Variants in RNF144A observed in about 807,000 individuals in gnomAD.
The protein encoded by RNF144A is ring finger protein 144A, also known as E3 ubiquitin-protein ligase RNF144A.
A neutral mutation model predicts 38.7 loss-of-function variants in RNF144A; 11 were observed. The observed-to-expected ratio is 0.28, with a 90% CI of 0.18 to 0.47. The LOEUF is 0.47. RNF144A is among the 20% of genes least tolerant of loss of function. The probability of loss-of-function intolerance (pLI) is 0.99; values close to 1 mark genes in which losing one functional copy is unlikely to be tolerated. For synonymous variants in RNF144A, 149 were observed against 143.9 expected (o/e 1.04, Z -0.25); for missense variants, 316 against 377.2 (o/e 0.84, Z 1.34).
At position 7,042,744 on chromosome 2, in the gene RNF144A, G is replaced by C; in HGVS notation, c.*2984G>C. 1 of 985,520 alleles carries C rather than the reference G, an allele frequency of 1.0e-6. No homozygotes were observed. Among genetic ancestry groups the C allele is most frequent in the Non-Finnish European group, 1.2e-6 (1 of 829,972 alleles). The allele number at this position is 985,520 out of a possible 1,614,324, so 61.0% of individuals were successfully genotyped here. A position where few individuals can be genotyped will look rare whatever the true frequency, so the allele number is the denominator to read the frequency against. ...CATAGATGTCCACGTAGCAGAGACT[G>C]ACTTAGGATCTGAGATAAAGCATCG... On this transcript the variant is annotated 3_prime_UTR_variant, in exon 9 of 9. Coordinates refer to ENST00000320892, the MANE Select transcript of RNF144A (RefSeq NM_014746.6).
At chr2:7,021,055 A>G (rs1433467624) in intron 6 of RNF144A, among the ~76,000 whole-genome samples, 8 of 152,264 alleles carry the variant, frequency 5.3e-5, no homozygotes, top group African/African-American at 1.9e-4. Context: ...GGGGTACAGA[A>G]ACAAGAACAG....
At chr2:6,993,752 C>T (rs771271) in intron 2 of RNF144A, among the ~76,000 whole-genome samples, 10,638 of 152,090 alleles carry the variant, frequency 0.07, 821 homozygotes, top group African/African-American at 0.19. Flanking sequence ...ATTGAACTTC[C>T]GAAATGACTA....
chr2:6,986,314 C>T (rs1375831445), intron 2 of RNF144A, among the ~76,000 whole-genome samples: 3 of 152,006 alleles, frequency 2.0e-5, no homozygotes, highest in Non-Finnish European at 4.4e-5. Flanking sequence ...TACTCTGTTA[C>T]CTCCATTATG....
rs192400055 is a variant in RNF144A at position 7,004,789 on chromosome 2, G to A, written c.135+7728G>A. 1.4e-3 allele frequency among the ~76,000 whole-genome samples: 219 copies of A among 152,278 alleles called. 1 individual carries two copies. The highest frequency in any genetic ancestry group is 2.2e-3 in the Non-Finnish European group (151 of 68,024). On this transcript the variant is annotated intron_variant, in intron 3 of 8. Transcript: ENST00000320892. Reference sequence around the variant, plus strand: ...ACATCTGGAGCTTAAACTTACAATAGCATTTCACATACTGTGTGGCGGTTG... The same window carrying A: ...ACATCTGGAGCTTAAACTTACAATAACATTTCACATACTGTGTGGCGGTTG...
At chr2:6,989,521 C>T (rs1201144775) in intron 2 of RNF144A, among the ~76,000 whole-genome samples, 2 of 152,188 alleles carry the variant, frequency 1.3e-5, no homozygotes, top group Non-Finnish European at 2.9e-5. Flanking sequence ...ACCTTTCCCC[C>T]ACCCGCTTTT....
At chr2:7,014,629 G>C in intron 4 of RNF144A, 71 bp downstream of exon 4, 3 of 1,522,818 alleles carry the variant, frequency 2.0e-6, no homozygotes, top group Non-Finnish European at 2.7e-6. Flanking sequence ...TCAGAATAAC[G>C]TGGGTTTTGT....
At chr2:6,985,893 C>T (rs1431553674) in intron 2 of RNF144A, among the ~76,000 whole-genome samples, 1 of 152,164 alleles carries the variant, frequency 6.6e-6, no homozygotes, top group Non-Finnish European at 1.5e-5. Context: ...CCAGGATGGT[C>T]TCGATCTCCT....
At chr2:6,926,942 G>A (rs990091942) in intron 1 of RNF144A, among the ~76,000 whole-genome samples, 1 of 152,098 alleles carries the variant, frequency 6.6e-6, no homozygotes, top group African/African-American at 2.4e-5. Context: ...GCAGAGCGGG[G>A]GTGCCCTTTC....
intron 8 of RNF144A, among the ~76,000 whole-genome samples, chr2:7,037,283 G>A (rs930954967): frequency 2.0e-5 from 3 of 152,176 alleles, no homozygotes; most frequent in East Asian, 1.9e-4. Context: ...ATTTAGAGAC[G>A]AGGTAGACTG....
At position 6,943,611 on chromosome 2, in the gene RNF144A, C is replaced by A. The variant is rs1395970765; in HGVS notation, c.-12+2464C>A. Among the ~76,000 whole-genome samples the A allele has an allele frequency of 6.6e-6, 1 of 152,110 alleles. No homozygotes were observed. Among genetic ancestry groups the A allele is most frequent in the Admixed American group, 6.5e-5 (1 of 15,280 alleles). The stretch of plus-strand genomic sequence containing the variant: ...GTGGGATGGAGGGCTGCTGAAAACA[C>A]TTCTTGAGTAGGAGAGAGAGATGGG... On this transcript the variant is annotated intron_variant, in intron 2 of 8. Transcript: ENST00000320892. This position sits in a 1 kb window ranked among gnomAD's most constrained non-coding sequence, Gnocchi z 4.3.
intron 8 of RNF144A, among the ~76,000 whole-genome samples, chr2:7,036,176 A>G (rs1175287228): frequency 6.6e-6 from 1 of 152,204 alleles, no homozygotes; most frequent in Non-Finnish European, 1.5e-5. Flanking sequence ...CCCAGAAATC[A>G]GCCATCGTGT....
At chr2:6,929,358 T>C (rs1268835084) in intron 1 of RNF144A, among the ~76,000 whole-genome samples, 2 of 152,170 alleles carry the variant, frequency 1.3e-5, no homozygotes, top group Non-Finnish European at 2.9e-5. Context: ...TTGACATTTA[T>C]TTGTTGCACT....
chr2:7,039,494 GGATGGATGGATA>G, intron 8 of RNF144A, 123 bp from the exon 9 acceptor site: 1 of 1,422,730 alleles, frequency 7.0e-7, no homozygotes, highest in Non-Finnish European at 9.5e-7. Context: ...ATGGGTAGAT[GGATGGATGGATA>G]GATGGATGGT....
intron 1 of RNF144A, among the ~76,000 whole-genome samples, chr2:6,927,330 C>T (rs1664940841): frequency 1.3e-5 from 2 of 152,236 alleles, no homozygotes; most frequent in Admixed American, 1.3e-4. Context: ...ACTTTAATCA[C>T]TCCTGGGACT....
chr2:6,943,449 C>T lies in RNF144A; in HGVS notation c.-12+2302C>T, dbSNP rs373270036. ...TTGTAGACAACTCAGTTGAGCTTTG[C>T]GGCAAAAGGGAGCAGAGTTTGAGGT... On this transcript the variant is annotated intron_variant, in intron 2 of 8. Coordinates refer to ENST00000320892, the MANE Select transcript of RNF144A (RefSeq NM_014746.6). This position sits in a 1 kb window ranked among gnomAD's most constrained non-coding sequence, Gnocchi z 4.3. Among the ~76,000 whole-genome samples the T allele has an allele frequency of 9.2e-5, 14 of 152,066 alleles. No individual in the cohort carries two copies. Among genetic ancestry groups the T allele is most frequent in the African/African-American group, 3.1e-4 (13 of 41,402 alleles).
intron 2 of RNF144A, among the ~76,000 whole-genome samples, chr2:6,985,225 G>T (rs1259800834): frequency 2.7e-5 from 4 of 147,954 alleles, no homozygotes; most frequent in Admixed American, 1.3e-4. Flanking sequence ...TCTTTGAACA[G>T]ATTTAGTGTC....
chr2:7,010,213 C>A lies in RNF144A; in HGVS notation c.136-4241C>A, dbSNP rs1334992135. ...AGTGATTGTCCCTCTATCTGCCAAGCTTATCCCACAGTATTAGGAAGTGGA... is the reference window on the plus strand; with the variant it reads ...AGTGATTGTCCCTCTATCTGCCAAGATTATCCCACAGTATTAGGAAGTGGA... On this transcript the variant is annotated intron_variant, in intron 3 of 8. Transcript: ENST00000320892. Among the ~76,000 whole-genome samples, 26 of 152,262 alleles carry A rather than the reference C, an allele frequency of 1.7e-4. No individual in the cohort carries two copies. The East Asian group carries it at 4.6e-3, about 27-fold the overall frequency.
intron 2 of RNF144A, among the ~76,000 whole-genome samples, chr2:6,986,725 A>G (rs1246343530): frequency 6.6e-6 from 1 of 152,118 alleles, no homozygotes; most frequent in Non-Finnish European, 1.5e-5. Flanking sequence ...AAGAATGACT[A>G]TGTCCCTAGC....
chr2:6,989,422 A>C (rs572115153), intron 2 of RNF144A, among the ~76,000 whole-genome samples: 9 of 152,226 alleles, frequency 5.9e-5, no homozygotes, highest in Non-Finnish European at 1.2e-4. Flanking sequence ...GCCCTGCAGC[A>C]GGCAGCTTCA....
Sources: allele counts gnomAD v4.1 joint callset (sites outside exome capture counted in the v4.1 genomes callset), GRCh38; gene constraint gnomAD v4.1.1; non-coding constraint Gnocchi (gnomAD v3.1); transcripts MANE v1.5; gene names NCBI Gene and HGNC (gene_info 2026-07-23, HGNC 2026-07-21).